Variants in RALB observed in about 807,000 individuals in gnomAD.
RALB encodes the protein RAS like proto-oncogene B, also known as ras-related protein Ral-B.
RALB carries 16 observed loss-of-function variants against 21.3 expected under a neutral mutation model. The ratio of observed to expected loss-of-function variants is 0.75; its 90% confidence interval spans 0.51 to 1.14. The LOEUF (loss-of-function observed/expected upper bound fraction) is 1.14. Among genes scored for constraint, RALB ranks in the 50% most tolerant of loss-of-function variants. The probability of loss-of-function intolerance (pLI) is 0.00; values close to 1 mark genes in which losing one functional copy is unlikely to be tolerated. For synonymous variants in RALB, 93 were observed against 96.1 expected, an observed-to-expected ratio of 0.97 and a Z score of 0.19; for missense variants, 161 against 256.2, an observed-to-expected ratio of 0.63 and a Z score of 2.54.
intron 3 of RALB, among the ~76,000 whole-genome samples, chr2:120,287,564 A>G (rs1690195854): frequency 6.6e-6 from 1 of 152,138 alleles, no homozygotes; most frequent in South Asian, 2.1e-4. Flanking sequence ...GAGCCTTTTG[A>G]TTTCCTGTTG....
chr2:120,268,957 T>C (rs1208702559), intron 1 of RALB, among the ~76,000 whole-genome samples: 1 of 152,094 alleles, frequency 6.6e-6, no homozygotes, highest in Non-Finnish European at 1.5e-5. Context: ...ACAAATGACA[T>C]TGTATTATAT....
At chr2:120,269,632 G>A (rs927773755) in intron 1 of RALB, among the ~76,000 whole-genome samples, 1 of 152,176 alleles carries the variant, frequency 6.6e-6, no homozygotes, top group African/African-American at 2.4e-5. Flanking sequence ...ACAGAGGACT[G>A]ATTGGTGCAT....
At chr2:120,282,457 A>T (rs1297476673) in intron 2 of RALB, among the ~76,000 whole-genome samples, 1 of 146,478 alleles carries the variant, frequency 6.8e-6, no homozygotes, top group African/African-American at 2.7e-5. Flanking sequence ...CAGCCTGGGG[A>T]ACAAGAGCGA....
At position 120,278,347 on chromosome 2, in the gene RALB, AC is replaced by A. The variant is rs201112481; in HGVS notation, c.-47-270del. On this transcript the variant is annotated intron_variant, in intron 1 of 4. Coordinates refer to ENST00000272519, the MANE Select transcript of RALB (RefSeq NM_002881.3). The stretch of plus-strand genomic sequence containing the variant: ...GCTGAGGGTCTGATGATTTTTGGTG[AC>A]TGGGTGTCCTCTCCACCCTGCCCAG... Among the ~76,000 whole-genome samples the A allele has an allele frequency of 1.4e-3, 109 of 75,684 alleles. 3 individuals carry two copies. The East Asian group carries it at 0.024, about 16-fold the overall frequency. 49.7% of individuals were successfully genotyped at this position (75,684 alleles called of 152,430 possible).
intron 1 of RALB, among the ~76,000 whole-genome samples, chr2:120,264,333 G>C (rs1399439377): frequency 2.0e-5 from 3 of 151,846 alleles, no homozygotes; most frequent in Admixed American, 2.0e-4. Context: ...TGTGTTTTTA[G>C]TAGAGACGGG....
intron 1 of RALB, among the ~76,000 whole-genome samples, chr2:120,276,602 CAA>C (rs1330925077): frequency 6.9e-6 from 1 of 145,964 alleles, no homozygotes; most frequent in Admixed American, 6.9e-5. Context: ...GACTCTGTCT[CAA>C]AAAAAAGAAA....
intron 1 of RALB, among the ~76,000 whole-genome samples, chr2:120,278,047 G>T (rs1415632011): frequency 1.3e-5 from 2 of 151,040 alleles, no homozygotes; most frequent in African/African-American, 2.4e-5. Context: ...GTGAGTGTGT[G>T]TGAATGTGAG....
At chr2:120,271,776 A>G (rs1052349755) in intron 1 of RALB, among the ~76,000 whole-genome samples, 3 of 152,186 alleles carry the variant, frequency 2.0e-5, no homozygotes, top group Admixed American at 1.3e-4. Flanking sequence ...CCTGGAGTTC[A>G]TTATGCTTTC....
chr2:120,264,397 C>T (rs753052376), intron 1 of RALB, among the ~76,000 whole-genome samples: 2 of 152,126 alleles, frequency 1.3e-5, no homozygotes, highest in Non-Finnish European at 2.9e-5. Flanking sequence ...AGTGATCCAT[C>T]CACCTCCGCC....
chr2:120,249,806 T>C (rs1017443607), upstream of RALB, among the ~76,000 whole-genome samples: 2 of 152,218 alleles, frequency 1.3e-5, no homozygotes, highest in Non-Finnish European at 2.9e-5. Flanking sequence ...AACTCCTCTG[T>C]ATAACCGAGA....
chr2:120,275,229 C>T (rs1689760834), intron 1 of RALB, among the ~76,000 whole-genome samples: 1 of 152,250 alleles, frequency 6.6e-6, no homozygotes, highest in Non-Finnish European at 1.5e-5. Flanking sequence ...ATTCTAACTG[C>T]TACCTTGTGT....
chr2:120,288,341 AGTTTTTTTTTTT>A (rs991878649), intron 3 of RALB, among the ~76,000 whole-genome samples: 4 of 58,890 alleles, frequency 6.8e-5, no homozygotes, highest in African/African-American at 2.9e-4. Context: ...TGAAAATTTT[AGTTTTTTTTTTT>A]GTTTTTTTTT....
chr2:120,289,519 A>G, intron 3 of RALB, 61 bp from the exon 4 acceptor site: 6 of 1,541,810 alleles, frequency 3.9e-6, no homozygotes, highest in Non-Finnish European at 5.3e-6. Flanking sequence ...AGATGGGTTC[A>G]CAAAACCAGG....
chr2:120,253,058 C>T (rs1349063713), intron 1 of RALB, 78 bp downstream of exon 1: 10 of 882,434 alleles, frequency 1.1e-5, no homozygotes, highest in African/African-American at 1.8e-5. Context: ...CGCCCGCAGC[C>T]TCTTGCTCCC....
At chr2:120,246,439 G>T (rs936079717) in intron 1 of RALB, among the ~76,000 whole-genome samples, 9 of 152,190 alleles carry the variant, frequency 5.9e-5, no homozygotes. Flanking sequence ...GAGACCGGGG[G>T]TCTCCTCTAT....
intron 1 of RALB, among the ~76,000 whole-genome samples, chr2:120,262,118 A>G (rs1423882643): frequency 1.3e-5 from 2 of 152,136 alleles, no homozygotes; most frequent in African/African-American, 4.8e-5. Flanking sequence ...TCCTCAATAA[A>G]TGAGGGAAGT....
intron 1 of RALB, among the ~76,000 whole-genome samples, chr2:120,244,753 G>C (rs1688944196): frequency 6.6e-6 from 1 of 152,192 alleles, no homozygotes; most frequent in Admixed American, 6.5e-5. Flanking sequence ...GGGATGAAAA[G>C]AATTCACAGA....
intron 1 of RALB, among the ~76,000 whole-genome samples, chr2:120,277,114 C>A (rs1689816372): frequency 6.6e-6 from 1 of 152,122 alleles, no homozygotes; most frequent in East Asian, 1.9e-4. Context: ...CTGATTAGGG[C>A]AAATTGATTT....
In RALB at chr2:120,278,708, ACAAGGTGATCATGGTTGG is replaced by A; in HGVS notation, c.47_64del (p.Lys16_Gly21del). ...AAGGGCCAGAGCTCCTTGGCCCTCC[ACAAGGTGATCATGGTTGG>A]CAGCGGAGGCGTTGGCAAGTCAGCC... On this transcript the variant is annotated inframe_deletion, in exon 2 of 5. Coordinates refer to ENST00000272519, the MANE Select transcript of RALB (RefSeq NM_002881.3). The A allele has an allele frequency of 6.3e-7, 1 of 1,598,106 alleles. No individual in the cohort carries two copies. Among genetic ancestry groups the A allele is most frequent in the Admixed American group, 1.7e-5 (1 of 57,846 alleles).
Sources: allele counts gnomAD v4.1 joint callset (sites outside exome capture counted in the v4.1 genomes callset), GRCh38; gene constraint gnomAD v4.1.1; transcripts MANE v1.5; gene names NCBI Gene and HGNC (gene_info 2026-07-23, HGNC 2026-07-21).